Variants in FHIT observed in about 807,000 individuals in gnomAD.
The protein encoded by FHIT is bis(5'-adenosyl)-triphosphatase.
A neutral mutation model predicts 17.9 loss-of-function variants in FHIT; 19 were observed. The ratio of observed to expected loss-of-function variants is 1.06; its 90% confidence interval spans 0.74 to 1.56. The LOEUF is 1.56. Ranked by LOEUF, FHIT falls within the 40% of genes most tolerant of loss-of-function variation. The pLI is 0.00. For synonymous variants in FHIT, 81 were observed against 69.7 expected, an observed-to-expected ratio of 1.16 and a Z score of -0.81; for missense variants, 248 against 189.2, an observed-to-expected ratio of 1.31 and a Z score of -1.82.
At chr3:59,910,731 A>G (rs987045685) in intron 8 of FHIT, among the ~76,000 whole-genome samples, 1 of 152,224 alleles carries the variant, frequency 6.6e-6, no homozygotes, top group Non-Finnish European at 1.5e-5. Context: ...TATTACTCTG[A>G]AGTCCATACA....
chr3:61,013,289 T>C (rs955363916), intron 3 of FHIT, among the ~76,000 whole-genome samples: 2 of 152,198 alleles, frequency 1.3e-5, no homozygotes, highest in African/African-American at 4.8e-5. Flanking sequence ...CACTCTCCCC[T>C]TAGAAATTGG....
chr3:61,231,089 C>T (rs1430020872), intron 1 of FHIT, among the ~76,000 whole-genome samples: 2 of 152,108 alleles, frequency 1.3e-5, no homozygotes, highest in African/African-American at 4.8e-5. Context: ...TATAGTTTTA[C>T]AAAATGTTAT....
At chr3:60,004,937 T>G (rs1203425868) in intron 7 of FHIT, among the ~76,000 whole-genome samples, 1 of 152,138 alleles carries the variant, frequency 6.6e-6, no homozygotes, top group Non-Finnish European at 1.5e-5. Flanking sequence ...CTCACAACAC[T>G]CCCAAGAGAC....
chr3:60,699,617 C>G (rs2041192892), intron 4 of FHIT, among the ~76,000 whole-genome samples: 1 of 139,678 alleles, frequency 7.2e-6, no homozygotes. Context: ...TGCAGCGCAC[C>G]AGCATGGCAC....
intron 7 of FHIT, among the ~76,000 whole-genome samples, chr3:59,966,607 G>A (rs1015254494): frequency 6.6e-6 from 1 of 152,070 alleles, no homozygotes; most frequent in African/African-American, 2.4e-5. Flanking sequence ...GTAGTTAATG[G>A]TAACATAATG....
chr3:60,128,454 C>A (rs1366667229), intron 5 of FHIT, among the ~76,000 whole-genome samples: 6 of 152,170 alleles, frequency 3.9e-5, no homozygotes, highest in Non-Finnish European at 8.8e-5. Context: ...TCCAGCCATG[C>A]TGAACTGTGA....
chr3:59,935,811 T>A (rs1436971312), intron 7 of FHIT, among the ~76,000 whole-genome samples: 1 of 152,122 alleles, frequency 6.6e-6, no homozygotes, highest in African/African-American at 2.4e-5. Flanking sequence ...ACTACACTGC[T>A]CTTAATTTCT....
At position 60,356,529 on chromosome 3, in the gene FHIT, T is replaced by C. The variant is rs530273632; in HGVS notation, c.103+180331A>G. 3.9e-5 allele frequency among the ~76,000 whole-genome samples: 6 copies of C among 152,208 alleles called. No homozygotes were observed. The East Asian group carries it at 9.6e-4, about 24-fold the overall frequency. ...TGTAGGTAATTGTCCTGCCACTCCA[T>C]TCTAAGCTGTGAGTGAAAGTACTCC... is the stretch of plus-strand genomic sequence containing the variant. On this transcript the variant is annotated intron_variant, in intron 5 of 9. Transcript: ENST00000492590.
chr3:60,262,667 A>T (rs925357434), intron 5 of FHIT, among the ~76,000 whole-genome samples: 1 of 151,894 alleles, frequency 6.6e-6, no homozygotes, highest in African/African-American at 2.4e-5. Flanking sequence ...CTAAGATTAG[A>T]ACTCTTTTTA....
At chr3:60,953,118 A>C (rs1483432707) in intron 3 of FHIT, among the ~76,000 whole-genome samples, 4 of 152,226 alleles carry the variant, frequency 2.6e-5, no homozygotes, top group African/African-American at 9.6e-5. Context: ...GAATAAGAAC[A>C]AGTGGGGGCA....
chr3:60,211,160 TTTCTA>T (rs1208751529), intron 5 of FHIT, among the ~76,000 whole-genome samples: 2 of 151,590 alleles, frequency 1.3e-5, no homozygotes, highest in Non-Finnish European at 1.5e-5. Context: ...CCAGGCTATT[TTTCTA>T]AAGAACGAAA....
intron 5 of FHIT, among the ~76,000 whole-genome samples, chr3:60,512,845 G>T (rs1289069356): frequency 6.6e-6 from 1 of 152,166 alleles, no homozygotes; most frequent in Non-Finnish European, 1.5e-5. Context: ...ATATCCAAGG[G>T]AGTTAGACAA....
At chr3:60,514,056 C>A (rs1361281374) in intron 5 of FHIT, among the ~76,000 whole-genome samples, 1 of 152,178 alleles carries the variant, frequency 6.6e-6, no homozygotes, top group East Asian at 1.9e-4. Flanking sequence ...CATTCCCTTT[C>A]CAGCTCCCCA....
Position 59,959,314 on chromosome 3 carries a change from AC to A in FHIT, c.280-36901del, listed in dbSNP as rs558645150. 3.1e-3 allele frequency among the ~76,000 whole-genome samples: 474 copies of A among 152,342 alleles called. 2 individuals carry two copies. Among genetic ancestry groups the A allele is most frequent in the African/African-American group, 0.011 (448 of 41,580 alleles). ...CCATGAACAGTTACTATGACAAGAT[AC>A]TAAGAAGAGAGTGTTTCATTTAACC... is the stretch of plus-strand genomic sequence containing the variant. On this transcript the variant is annotated intron_variant, in intron 7 of 9. Transcript: ENST00000492590.
At chr3:60,405,600 C>G (rs1364687802) in intron 5 of FHIT, among the ~76,000 whole-genome samples, 3 of 152,208 alleles carry the variant, frequency 2.0e-5, no homozygotes, top group African/African-American at 7.2e-5. Flanking sequence ...CAGGGCGCCC[C>G]CTGTGGCAGG....
At chr3:61,207,064 C>T (rs1337798169) in intron 1 of FHIT, among the ~76,000 whole-genome samples, 1 of 152,172 alleles carries the variant, frequency 6.6e-6, no homozygotes, top group Non-Finnish European at 1.5e-5. Flanking sequence ...TTTTCTGCAT[C>T]TATTGAGATA....
intron 3 of FHIT, among the ~76,000 whole-genome samples, chr3:61,041,700 C>T (rs57467674): frequency 0.059 from 8,928 of 151,132 alleles, 333 homozygotes; most frequent in African/African-American, 0.098. Context: ...AAAAAAAATC[C>T]GCTCAACTCA....
chr3:60,275,776 A>C (rs571411249), intron 5 of FHIT, among the ~76,000 whole-genome samples: 1 of 152,244 alleles, frequency 6.6e-6, no homozygotes, highest in Admixed American at 6.5e-5. Context: ...ACTAAAACTA[A>C]ACTGATATTC....
intron 2 of FHIT, among the ~76,000 whole-genome samples, chr3:61,082,447 GA>G (rs2106781118): frequency 6.6e-6 from 1 of 152,176 alleles, no homozygotes; most frequent in South Asian, 2.1e-4. Flanking sequence ...TTCATTATGT[GA>G]ATATACCCTT....
Sources: gnomAD v4.1 joint callset for allele counts (sites outside exome capture counted in the v4.1 genomes callset) on GRCh38, gnomAD v4.1.1 for gene constraint, MANE v1.5 for transcripts, NCBI Gene and HGNC (gene_info 2026-07-23, HGNC 2026-07-21) for gene names.